PWWP3A: variants seen among roughly 807,000 people sequenced by gnomAD.
The protein encoded by PWWP3A is PWWP domain-containing DNA repair factor 3A.
Under a neutral mutation model 79.0 loss-of-function variants are expected in PWWP3A, and 53 were observed. The observed-to-expected ratio is 0.67, with a 90% CI of 0.54 to 0.84. PWWP3A has a LOEUF of 0.84. Ranked by LOEUF, PWWP3A falls within the 40% of genes least tolerant of loss-of-function variation. The pLI is 0.00. For synonymous variants in PWWP3A, 443 were observed against 394.4 expected (o/e 1.12, Z -1.46); for missense variants, 973 against 948.0 (o/e 1.03, Z -0.35).
At chr19:1,367,473 C>T (rs537709080) in intron 9 of PWWP3A, among the ~76,000 whole-genome samples, 4 of 152,344 alleles carry the variant, frequency 2.6e-5, no homozygotes, top group South Asian at 2.1e-4. Context: ...GCTGGGGCTC[C>T]GGCGAGGACA....
chr19:1,360,633 G>C lies in PWWP3A; in HGVS notation c.712G>C (p.Asp238His). 1 of 1,613,690 alleles carries C rather than the reference G, an allele frequency of 6.2e-7. No individual in the cohort carries two copies. The highest frequency in any genetic ancestry group is 1.1e-5 in the South Asian group (1 of 91,036). Residue 238 changes from aspartate to histidine, a missense_variant, in exon 5 of 14, where the codon GAC (aspartate) becomes CAC (histidine). Transcript: ENST00000591337. This position sits in a 1 kb window ranked among gnomAD's most constrained non-coding sequence, Gnocchi z 4.4. ...CLNGSSLSED[D>H]TERDMGSKGG... ...GAATGGATCTTCCCTTTCAGAGGAC[G>C]ACACGGAGAGAGACATGGGGAGCAA...
intron 11 of PWWP3A, 106 bp from the exon 12 acceptor site, chr19:1,370,536 T>G: frequency 9.7e-7 from 1 of 1,035,272 alleles, no homozygotes. Context: ...ATCGCTAGGG[T>G]CTGCCCCCAT....
Position 1,376,722 on chromosome 19 carries a change from A to T in PWWP3A, c.*146A>T. ...CTCCTGCGTGGCAGTCCTGATTTCCATGCTTCTGGAGAATCCATTTCGTTA... is the reference window on the plus strand; with the variant it reads ...CTCCTGCGTGGCAGTCCTGATTTCCTTGCTTCTGGAGAATCCATTTCGTTA... On this transcript the variant is annotated 3_prime_UTR_variant, in exon 14 of 14. Coordinates refer to ENST00000591337, the MANE Select transcript of PWWP3A (RefSeq NM_001369789.1). 4.7e-6 allele frequency: 3 copies of T among 633,844 alleles called. No individual in the cohort carries two copies. Among genetic ancestry groups the T allele is most frequent in the Non-Finnish European group, 8.2e-6 (3 of 365,658 alleles). The allele number at this position is 633,844 out of a possible 1,614,324, so 39.3% of individuals were successfully genotyped here.
chr19:1,376,142 T>TA (rs1233602789), intron 13 of PWWP3A, among the ~76,000 whole-genome samples: 3 of 144,992 alleles, frequency 2.1e-5, no homozygotes, highest in East Asian at 2.0e-4. Context: ...TTTTTTTTTT[T>TA]AGAGACAGAA....
intron 13 of PWWP3A, chr19:1,374,322 C>T (rs1485088863): frequency 2.0e-5 from 3 of 152,152 alleles, no homozygotes. Context: ...GGGCTGAGCA[C>T]ACAGGCCGTG....
Position 1,360,315 on chromosome 19 carries a change from G to A in PWWP3A, c.394G>A (p.Asp132Asn), listed in dbSNP as rs144114197. 2 of 1,613,920 alleles carry A rather than the reference G, an allele frequency of 1.2e-6. No homozygotes were observed. The highest frequency in any genetic ancestry group is 1.7e-5 in the Admixed American group (1 of 60,012). The change falls in exon 5 of 14, where the codon GAT becomes AAT. Residue 132 changes from aspartate to asparagine, a missense_variant. Coordinates refer to ENST00000591337, the MANE Select transcript of PWWP3A (RefSeq NM_001369789.1). The surrounding 1 kb of genome is among the most constrained non-coding windows in gnomAD (Gnocchi z 4.4). ...KPMEHVSSPC[D>N]SNSSSLPRGD... ...CATGGAGCATGTCTCCTCGCCCTGTGATTCGAACTCCTCATCTCTTCCCCG... is the reference window on the plus strand; with the variant it reads ...CATGGAGCATGTCTCCTCGCCCTGTAATTCGAACTCCTCATCTCTTCCCCG...
Position 1,376,818 on chromosome 19 carries a change from G to A in PWWP3A, c.*242G>A, listed in dbSNP as rs1600137487. The A allele has an allele frequency of 1.1e-5, 5 of 443,154 alleles. No individual in the cohort carries two copies. The South Asian group carries it at 1.4e-4, about 12-fold the overall frequency. The allele number at this position is 443,154 out of a possible 1,614,324, so 27.5% of individuals were successfully genotyped here. The stretch of plus-strand genomic sequence containing the variant: ...TTTTTGGCATTTTTTACAAGATACC[G>A]TTCGGGAAAGGCTTTTGAAAGGACG... On this transcript the variant is annotated 3_prime_UTR_variant, in exon 14 of 14. Transcript: ENST00000591337.
Position 1,377,691 on chromosome 19 carries a change from G to A in PWWP3A, c.*1115G>A, listed in dbSNP as rs2082430014. ...TGTCCATTCTCAGTGGATGCTCCAGGCTGTGCCTACACAGCAGTGCTGGTG... is the reference window on the plus strand; with the variant it reads ...TGTCCATTCTCAGTGGATGCTCCAGACTGTGCCTACACAGCAGTGCTGGTG... On this transcript the variant is annotated 3_prime_UTR_variant, in exon 14 of 14. Coordinates refer to ENST00000591337, the MANE Select transcript of PWWP3A (RefSeq NM_001369789.1). 1 of 152,336 alleles carries A rather than the reference G, an allele frequency of 6.6e-6. No individual in the cohort carries two copies. Among genetic ancestry groups the A allele is most frequent in the South Asian group, 2.1e-4 (1 of 4,832 alleles). The allele number at this position is 152,336 out of a possible 1,614,324, so 9.4% of individuals were successfully genotyped here.
In PWWP3A at chr19:1,378,057, C is replaced by T. The variant is rs2082436713; in HGVS notation, c.*1481C>T. 6.6e-6 allele frequency: 1 copy of T among 152,320 alleles called. No homozygotes were observed. Among genetic ancestry groups the T allele is most frequent in the Admixed American group, 6.5e-5 (1 of 15,288 alleles). The allele number at this position is 152,320 out of a possible 1,614,324, so 9.4% of individuals were successfully genotyped here. Reference sequence around the variant, plus strand: ...AGGAAACCCGGCCGTGGCCTGGCAGCTCCGCCTCCCATGCCCGCACGCTGG... The same window carrying T: ...AGGAAACCCGGCCGTGGCCTGGCAGTTCCGCCTCCCATGCCCGCACGCTGG... On this transcript the variant is annotated 3_prime_UTR_variant, in exon 14 of 14. Coordinates refer to ENST00000591337, the MANE Select transcript of PWWP3A (RefSeq NM_001369789.1).
At position 1,360,944 on chromosome 19, in the gene PWWP3A, C is replaced by G. The variant is rs1018972937; in HGVS notation, c.1023C>G (p.Ser341Arg). The G allele has an allele frequency of 5.3e-5, 80 of 1,499,416 alleles. 5 individuals carry two copies. Among genetic ancestry groups the G allele is most frequent in the Non-Finnish European group, 9.8e-6 (11 of 1,123,966 alleles). 92.9% of individuals were successfully genotyped at this position (1,499,416 alleles called of 1,614,324 possible). ...PGPRESVTPR[S>R]TARLGPPPSH... Reference sequence around the variant, plus strand: ...CCAGAGAGTCTGTGACCCCGCGCAGCACCGCCAGGCTGGGCCCGCCTCCCT... The same window carrying G: ...CCAGAGAGTCTGTGACCCCGCGCAGGACCGCCAGGCTGGGCCCGCCTCCCT... Residue 341 changes from serine (S) to arginine (R), a missense_variant, in exon 5 of 14, where the codon AGC becomes AGG. Transcript: ENST00000591337. The surrounding 1 kb of genome is among the most constrained non-coding windows in gnomAD (Gnocchi z 4.4).
rs11554581 is a variant in PWWP3A, at chr19:1,377,611, C to G, written c.*1035C>G. 6.6e-6 allele frequency: 1 copy of G among 152,420 alleles called. No homozygotes were observed. Among genetic ancestry groups the G allele is most frequent in the Non-Finnish European group, 1.5e-5 (1 of 68,206 alleles). The allele number at this position is 152,420 out of a possible 1,614,324, so 9.4% of individuals were successfully genotyped here. On this transcript the variant is annotated 3_prime_UTR_variant, in exon 14 of 14. Transcript: ENST00000591337. ...AGGGCTGTGACTCCGTGGGGCTCAGCCAGGCTCCAGCAGGGTCAGACGTGC... is the reference window on the plus strand; with the variant it reads ...AGGGCTGTGACTCCGTGGGGCTCAGGCAGGCTCCAGCAGGGTCAGACGTGC...
At chr19:1,358,992 G>C in intron 4 of PWWP3A, 1 of 308,080 alleles carries the variant, frequency 3.2e-6, no homozygotes, top group Non-Finnish European at 6.6e-6. Context: ...GAGGCAGGTC[G>C]GAAGTGGAGC....
chr19:1,375,765 CAT>C (rs1169944506), intron 13 of PWWP3A, among the ~76,000 whole-genome samples: 17 of 136,122 alleles, frequency 1.2e-4, no homozygotes, highest in Non-Finnish European at 1.7e-4. Flanking sequence ...TTTTATATAT[CAT>C]ATGTATATGT....
chr19:1,365,754 G>A (rs989309624), intron 7 of PWWP3A, among the ~76,000 whole-genome samples: 4 of 152,244 alleles, frequency 2.6e-5, no homozygotes, highest in African/African-American at 9.6e-5. Context: ...GATGTGACAG[G>A]TTCCTGGGGC....
At chr19:1,371,384 T>G in intron 12 of PWWP3A, 1 of 703,084 alleles carries the variant, frequency 1.4e-6, no homozygotes. Context: ...CTTCCCAGCC[T>G]CGGTGGGTCA....
intron 12 of PWWP3A, chr19:1,372,739 AG>A (rs2082288501): frequency 4.8e-6 from 1 of 209,796 alleles, no homozygotes; most frequent in African/African-American, 2.3e-5. Context: ...CCTGGGCGAC[AG>A]GGCGAGACTC....
intron 3 of PWWP3A, chr19:1,357,434 G>C (rs1264590082): frequency 7.5e-6 from 1 of 134,206 alleles, no homozygotes; most frequent in Non-Finnish European, 1.5e-5. Context: ...TTCTTAATCA[G>C]TGCCATGCCA....
Position 1,368,470 on chromosome 19 carries a change from C to T in PWWP3A, c.1423-795C>T, listed in dbSNP as rs2082175283. 6.6e-6 allele frequency among the ~76,000 whole-genome samples: 1 copy of T among 152,150 alleles called. No homozygotes were observed. Among genetic ancestry groups the T allele is most frequent in the Non-Finnish European group, 1.5e-5 (1 of 68,032 alleles). ...CTTCTGAGGGATGATATTGGGGAAG[C>T]CGTGCTTTAGGAAAGTGCGGGGGCT... On this transcript the variant is annotated intron_variant, in intron 9 of 13. Transcript: ENST00000591337. This position sits in a 1 kb window ranked among gnomAD's most constrained non-coding sequence, Gnocchi z 4.7.
At chr19:1,364,367 G>C (rs938311723) in intron 6 of PWWP3A, 142 bp from the exon 7 acceptor site, 10 of 683,976 alleles carry the variant, frequency 1.5e-5, no homozygotes, top group South Asian at 3.5e-5. Context: ...AGATTCTCCT[G>C]ATCTTTTAAG....
Sources: gnomAD v4.1 joint callset for allele counts (sites outside exome capture counted in the v4.1 genomes callset) on GRCh38, gnomAD v4.1.1 for gene constraint, Gnocchi (gnomAD v3.1) non-coding constraint, MANE v1.5 for transcripts, NCBI Gene and HGNC (gene_info 2026-07-23, HGNC 2026-07-21) for gene names.